The following CTNNA3 variants were observed in gnomAD, a reference collection of about 807,000 sequenced individuals.
CTNNA3 encodes the protein catenin alpha 3, also known as catenin alpha-3.
In CTNNA3, 76 loss-of-function variants were observed where a neutral mutation model predicts 95.7. The observed-to-expected ratio is 0.79, with a 90% confidence interval of 0.66 to 0.96. The LOEUF (loss-of-function observed/expected upper bound fraction) is 0.96, where lower values mean the gene tolerates loss of function less well. Ranked by LOEUF, CTNNA3 falls within the 40% of genes least tolerant of loss-of-function variation. CTNNA3 has a pLI of 0.00. For synonymous variants in CTNNA3, 431 were observed against 374.4 expected (o/e 1.15, Z -1.74); for missense variants, 1,191 against 1,089.8 (o/e 1.09, Z -1.31).
rs1845169581 is a variant in CTNNA3 at position 66,889,347 on chromosome 10, AG to A, written c.1048-113824del. On this transcript the variant is annotated intron_variant, in intron 7 of 17. Coordinates refer to ENST00000433211, the MANE Select transcript of CTNNA3 (RefSeq NM_013266.4). ...CCAAACCCACAGAGTGTACAACACC[AG>A]GAGTTACTACTAATGTAAACTGTGG... 3.9e-5 allele frequency among the ~76,000 whole-genome samples: 6 copies of A among 152,310 alleles called. 1 individual carries two copies. The highest frequency in any genetic ancestry group is 3.9e-4 in the Admixed American group (6 of 15,296).
intron 10 of CTNNA3, among the ~76,000 whole-genome samples, chr10:66,570,608 G>A (rs1842842165): frequency 6.6e-6 from 1 of 151,172 alleles, no homozygotes; most frequent in Admixed American, 6.6e-5. Flanking sequence ...AATTTTTAAA[G>A]ACCAAACACA....
rs116712852 is a variant in CTNNA3, at chr10:67,433,135, T to C, written c.579+88707A>G. On this transcript the variant is annotated intron_variant, in intron 5 of 17. Transcript: ENST00000433211. ...AGCTTTTTACTTAAAGTGAGAGACATGCAACTCTTCCTTTCATTTGAACAC... is the reference window on the plus strand; with the variant it reads ...AGCTTTTTACTTAAAGTGAGAGACACGCAACTCTTCCTTTCATTTGAACAC... 4.4e-3 allele frequency among the ~76,000 whole-genome samples: 670 copies of C among 152,150 alleles called. 7 individuals carry two copies. Among genetic ancestry groups the C allele is most frequent in the African/African-American group, 0.015 (628 of 41,512 alleles).
intron 13 of CTNNA3, among the ~76,000 whole-genome samples, chr10:66,106,162 G>A (rs1209944585): frequency 3.3e-5 from 5 of 150,756 alleles, no homozygotes; most frequent in African/African-American, 1.2e-4. Context: ...AGCCGAGATC[G>A]CGCCATTGCA....
At chr10:67,210,306 CAAAATA>C (rs1343515922) in intron 6 of CTNNA3, among the ~76,000 whole-genome samples, 1 of 151,110 alleles carries the variant, frequency 6.6e-6, no homozygotes, top group African/African-American at 2.4e-5. Flanking sequence ...GACTCCATCT[CAAAATA>C]AAAATAAAAA....
chr10:66,272,185 G>C (rs1036653121), intron 13 of CTNNA3, among the ~76,000 whole-genome samples: 1 of 152,154 alleles, frequency 6.6e-6, no homozygotes, highest in Non-Finnish European at 1.5e-5. Flanking sequence ...AATCCCCCTG[G>C]TAGGTGGTTT....
At chr10:66,013,516 C>A (rs2079042429) in intron 15 of CTNNA3, among the ~76,000 whole-genome samples, 1 of 152,206 alleles carries the variant, frequency 6.6e-6, no homozygotes, top group Non-Finnish European at 1.5e-5. Flanking sequence ...ATTTTGTACA[C>A]ACATACACAC....
At chr10:66,859,195 CT>C (rs1250008809) in intron 7 of CTNNA3, among the ~76,000 whole-genome samples, 4 of 151,982 alleles carry the variant, frequency 2.6e-5, no homozygotes, top group African/African-American at 9.7e-5. Flanking sequence ...GGACCCATAG[CT>C]TCTTAGAATT....
chr10:66,507,239 A>C (rs561845555), intron 11 of CTNNA3, among the ~76,000 whole-genome samples: 2 of 152,152 alleles, frequency 1.3e-5, no homozygotes, highest in African/African-American at 2.4e-5. Flanking sequence ...ACACATAATA[A>C]GTGAAACATA....
chr10:65,917,198 T>G lies in CTNNA3; in HGVS notation c.*3132A>C, dbSNP rs1331617711. ...TTGTGAATGTGAAGGCTATATTGTC[T>G]TTTCTAATACATTTGCAATTTGCAC... is the stretch of plus-strand genomic sequence containing the variant. On this transcript the variant is annotated 3_prime_UTR_variant, in exon 18 of 18. Transcript: ENST00000433211. 1 of 152,152 alleles carries G rather than the reference T, an allele frequency of 6.6e-6. No homozygotes were observed. The highest frequency in any genetic ancestry group is 1.5e-5 in the Non-Finnish European group (1 of 68,020). The allele number at this position is 152,152 out of a possible 1,614,324, so 9.4% of individuals were successfully genotyped here. A position where few individuals can be genotyped will look rare whatever the true frequency, so the allele number is the denominator to read the frequency against.
At chr10:67,684,650 G>T (rs766389442) in intron 1 of CTNNA3, among the ~76,000 whole-genome samples, 2 of 152,296 alleles carry the variant, frequency 1.3e-5, no homozygotes, top group Non-Finnish European at 2.9e-5. Context: ...GATCTCTTTA[G>T]GCCAGTGAAA....
At chr10:66,363,451 C>T (rs149061418) in intron 12 of CTNNA3, among the ~76,000 whole-genome samples, 30 of 152,226 alleles carry the variant, frequency 2.0e-4, no homozygotes, top group African/African-American at 7.2e-4. Context: ...AGCAAGAAGG[C>T]AGCTGTTTGC....
At chr10:66,845,716 A>AAACAAAC (rs1843234810) in intron 7 of CTNNA3, among the ~76,000 whole-genome samples, 1 of 127,006 alleles carries the variant, frequency 7.9e-6, no homozygotes, top group Non-Finnish European at 1.7e-5. Context: ...AAAAAAAAAA[A>AAACAAAC]AAAAAAAAAA....
intron 11 of CTNNA3, among the ~76,000 whole-genome samples, chr10:66,497,668 G>A (rs1840143779): frequency 6.6e-6 from 1 of 151,956 alleles, no homozygotes; most frequent in African/African-American, 2.4e-5. Context: ...GGCATATTTT[G>A]TATTTAAGAC....
At chr10:67,406,083 T>C (rs1408932661) in intron 5 of CTNNA3, among the ~76,000 whole-genome samples, 1 of 152,302 alleles carries the variant, frequency 6.6e-6, no homozygotes. Flanking sequence ...GATGGTTTTA[T>C]AAGAATCTGA....
chr10:66,749,243 G>T (rs1303270583), intron 9 of CTNNA3, among the ~76,000 whole-genome samples: 1 of 104,992 alleles, frequency 9.5e-6, no homozygotes, highest in Admixed American at 9.1e-5. Context: ...AGGAAAGAAA[G>T]AAAGAAAGAT....
chr10:66,520,553 A>T, intron 11 of CTNNA3, 64 bp downstream of exon 11: 2 of 1,447,250 alleles, frequency 1.4e-6, no homozygotes, highest in Non-Finnish European at 1.9e-6. Context: ...TGCCTGTCCC[A>T]GTATTATTCT....
At chr10:66,838,742 A>G (rs1487681186) in intron 7 of CTNNA3, among the ~76,000 whole-genome samples, 1 of 152,154 alleles carries the variant, frequency 6.6e-6, no homozygotes, top group African/African-American at 2.4e-5. Context: ...TACTTAATAC[A>G]TTTTTGTTAC....
chr10:67,238,174 A>T (rs529647725), intron 5 of CTNNA3, among the ~76,000 whole-genome samples: 1 of 152,280 alleles, frequency 6.6e-6, no homozygotes, highest in Admixed American at 6.5e-5. Flanking sequence ...TCCAAATGAA[A>T]ATACAATACA....
intron 13 of CTNNA3, among the ~76,000 whole-genome samples, chr10:66,130,537 C>A (rs1311546954): frequency 1.3e-5 from 2 of 151,784 alleles, no homozygotes; most frequent in Non-Finnish European, 2.9e-5. Flanking sequence ...AATATTACTA[C>A]TGACTCCATA....
Sources: allele counts gnomAD v4.1 joint callset (sites outside exome capture counted in the v4.1 genomes callset), GRCh38; gene constraint gnomAD v4.1.1; transcripts MANE v1.5; gene names NCBI Gene and HGNC (gene_info 2026-07-23, HGNC 2026-07-21).